The following NCAPH variants were observed in gnomAD, a reference collection of about 807,000 sequenced individuals.
NCAPH encodes the protein condensin complex subunit 2.
In NCAPH, 38 loss-of-function variants were observed where a neutral mutation model predicts 85.5. That is an observed-to-expected ratio of 0.44 (90% confidence interval 0.34 to 0.58). The LOEUF (loss-of-function observed/expected upper bound fraction) is 0.58, where lower values mean the gene tolerates loss of function less well. Among genes scored for constraint, NCAPH ranks in the 20% least tolerant of loss-of-function variants. The pLI, the probability that NCAPH is intolerant of heterozygous loss-of-function variation, is 0.01. For synonymous variants in NCAPH, 301 were observed against 335.1 expected (o/e 0.90, Z 1.11); for missense variants, 789 against 916.6 (o/e 0.86, Z 1.80).
At chr2:96,359,822 C>T (rs2064579855) in intron 10 of NCAPH, among the ~76,000 whole-genome samples, 1 of 152,200 alleles carries the variant, frequency 6.6e-6, no homozygotes, top group African/African-American at 2.4e-5. Flanking sequence ...TGGGATCCCG[C>T]TTTGTTGCCT....
chr2:96,375,467 G>A lies in NCAPH; in HGVS notation c.*2116G>A, dbSNP rs1023871634. ...AAAAGAGGCCTGAGGAAGCTTGTTC[G>A]TTCCTCTTGCCCTTCTGCCATGTAA... On this transcript the variant is annotated 3_prime_UTR_variant, in exon 18 of 18. Coordinates refer to ENST00000240423, the MANE Select transcript of NCAPH (RefSeq NM_015341.5). Among the ~76,000 whole-genome samples, 4 of 152,120 alleles carry A rather than the reference G, an allele frequency of 2.6e-5. No individual in the cohort carries two copies. Among genetic ancestry groups the A allele is most frequent in the Admixed American group, 1.3e-4 (2 of 15,262 alleles).
At chr2:96,365,761 C>A in intron 13 of NCAPH, 115 bp from the exon 14 acceptor site, 2 of 1,030,506 alleles carry the variant, frequency 1.9e-6, no homozygotes, top group Non-Finnish European at 3.0e-6. Flanking sequence ...GTGTAACTCA[C>A]TGAGTGAACC....
chr2:96,349,599 C>G (rs1024676447), intron 6 of NCAPH, among the ~76,000 whole-genome samples: 1 of 152,128 alleles, frequency 6.6e-6, no homozygotes, highest in African/African-American at 2.4e-5. Flanking sequence ...CCATGCTGGT[C>G]TCAAACTCCT....
At chr2:96,336,732 C>A (rs1027542369) in intron 1 of NCAPH, among the ~76,000 whole-genome samples, 1 of 152,100 alleles carries the variant, frequency 6.6e-6, no homozygotes, top group Non-Finnish European at 1.5e-5. Flanking sequence ...GGGAAGTGAC[C>A]CATGGATTGA....
chr2:96,364,463 A>G lies in NCAPH; in HGVS notation c.1588-18A>G. ...AGCTTTTAACAAAATAGCTTTCTGCATTTATTCTTTCCTTTAGTTACTTAA... is the reference window on the plus strand; with the variant it reads ...AGCTTTTAACAAAATAGCTTTCTGCGTTTATTCTTTCCTTTAGTTACTTAA... On this transcript the variant is annotated intron_variant, in intron 12 of 17. Transcript: ENST00000240423. 1 of 1,520,740 alleles carries G rather than the reference A, an allele frequency of 6.6e-7. No individual in the cohort carries two copies. The highest frequency in any genetic ancestry group is 1.7e-5 in the Admixed American group (1 of 57,468). The allele number at this position is 1,520,740 out of a possible 1,614,324, so 94.2% of individuals were successfully genotyped here. A position where few individuals can be genotyped will look rare whatever the true frequency, so the allele number is the denominator to read the frequency against.
chr2:96,365,267 A>T (rs1558802044), intron 13 of NCAPH, among the ~76,000 whole-genome samples: 1 of 152,162 alleles, frequency 6.6e-6, no homozygotes, highest in South Asian at 2.1e-4. Flanking sequence ...TTTCTTACTT[A>T]GGAAGAGAGT....
rs77467402 is a variant in NCAPH, at chr2:96,347,996, A to G, written c.720+3767A>G. On this transcript the variant is annotated intron_variant, in intron 6 of 17. Coordinates refer to ENST00000240423, the MANE Select transcript of NCAPH (RefSeq NM_015341.5). ...TGTATTTTTTCCTTATGTGTGTGTC[A>G]GCATTAACCGTGGGTGATGTGTGTA... Among the ~76,000 whole-genome samples, 83 of 152,220 alleles carry G rather than the reference A, an allele frequency of 5.5e-4. No homozygotes were observed. The East Asian group carries it at 0.014, about 26-fold the overall frequency.
At chr2:96,344,009 TTTAAA>T in intron 5 of NCAPH, 91 bp from the exon 6 acceptor site, 1 of 1,484,146 alleles carries the variant, frequency 6.7e-7, no homozygotes, top group Non-Finnish European at 9.0e-7. Context: ...GCCTCACATG[TTTAAA>T]TTACGACAGG....
At chr2:96,358,711 G>T (rs777143600) in intron 9 of NCAPH, among the ~76,000 whole-genome samples, 1 of 152,064 alleles carries the variant, frequency 6.6e-6, no homozygotes, top group Non-Finnish European at 1.5e-5. Flanking sequence ...CTTGTGATCC[G>T]CCCGCCTTGG....
chr2:96,339,639 T>A (rs2064264692), intron 1 of NCAPH, among the ~76,000 whole-genome samples: 1 of 151,992 alleles, frequency 6.6e-6, no homozygotes, highest in South Asian at 2.1e-4. Flanking sequence ...TGTCATCGTT[T>A]GCTGTCTCCA....
intron 12 of NCAPH, among the ~76,000 whole-genome samples, chr2:96,361,775 T>TATAC (rs2064617677): frequency 1.1e-4 from 15 of 139,406 alleles, no homozygotes; most frequent in South Asian, 4.6e-4. Flanking sequence ...TATACATATA[T>TATAC]ATATATACAC....
At chr2:96,339,318 C>T (rs1233203727) in intron 1 of NCAPH, among the ~76,000 whole-genome samples, 3 of 152,074 alleles carry the variant, frequency 2.0e-5, no homozygotes, top group Non-Finnish European at 4.4e-5. Context: ...TTGGGCAGGG[C>T]GTGGTGGCTC....
intron 12 of NCAPH, among the ~76,000 whole-genome samples, chr2:96,362,258 G>A (rs544608886): frequency 6.6e-6 from 1 of 151,550 alleles, no homozygotes; most frequent in East Asian, 2.0e-4. Context: ...ATTCATGAGA[G>A]GGGGTCAAAA....
chr2:96,362,889 T>C (rs1407697475), intron 12 of NCAPH, among the ~76,000 whole-genome samples: 3 of 152,344 alleles, frequency 2.0e-5, no homozygotes, highest in Admixed American at 2.0e-4. Flanking sequence ...TTACATAGTC[T>C]TAGTTGATAT....
At chr2:96,354,499 C>A (rs1465287378) in intron 9 of NCAPH, 111 bp downstream of exon 9, 28 of 946,500 alleles carry the variant, frequency 3.0e-5, no homozygotes, top group East Asian at 9.1e-5. Flanking sequence ...TTTCCCCCCC[C>A]AAAAATAGAG....
intron 13 of NCAPH, among the ~76,000 whole-genome samples, chr2:96,365,438 C>T (rs2064683458): frequency 6.6e-6 from 1 of 151,972 alleles, no homozygotes; most frequent in African/African-American, 2.4e-5. Flanking sequence ...TACATTCACT[C>T]TGGATGTGAT....
At chr2:96,352,164 C>T in intron 7 of NCAPH, 144 bp downstream of exon 7, 1 of 831,258 alleles carries the variant, frequency 1.2e-6, no homozygotes, top group Non-Finnish European at 1.9e-6. Flanking sequence ...ATTGTGTATC[C>T]TTTTGGGAGT....
intron 13 of NCAPH, 117 bp from the exon 14 acceptor site, chr2:96,365,759 C>CA: frequency 1.0e-6 from 1 of 1,004,386 alleles, no homozygotes; most frequent in Non-Finnish European, 1.5e-6. Context: ...TAGTGTAACT[C>CA]ACTGAGTGAA....
Position 96,349,929 on chromosome 2 carries a change from A to G in NCAPH, c.721-1902A>G, listed in dbSNP as rs117583063. ...GCTCAGAGTTTATGGAAGAAGCAAGACTTGAACTGGGCCATGAAGGAAGGC... is the reference window on the plus strand; with the variant it reads ...GCTCAGAGTTTATGGAAGAAGCAAGGCTTGAACTGGGCCATGAAGGAAGGC... On this transcript the variant is annotated intron_variant, in intron 6 of 17. Coordinates refer to ENST00000240423, the MANE Select transcript of NCAPH (RefSeq NM_015341.5). Among the ~76,000 whole-genome samples the G allele has an allele frequency of 2.6e-5, 4 of 152,354 alleles. No individual in the cohort carries two copies. The East Asian group carries it at 7.7e-4, about 29-fold the overall frequency.
Sources: allele counts gnomAD v4.1 joint callset (sites outside exome capture counted in the v4.1 genomes callset), GRCh38; gene constraint gnomAD v4.1.1; transcripts MANE v1.5; gene names NCBI Gene and HGNC (gene_info 2026-07-23, HGNC 2026-07-21).